Variants in EPHA5 observed in about 807,000 individuals in gnomAD.
EPHA5 encodes the protein ephrin type-A receptor 5.
A neutral mutation model predicts 105.0 loss-of-function variants in EPHA5; 60 were observed. That is an observed-to-expected ratio of 0.57 (90% CI 0.46 to 0.71). The LOEUF (loss-of-function observed/expected upper bound fraction) is 0.71. Among genes scored for constraint, EPHA5 ranks in the 30% least tolerant of loss-of-function variants. The pLI is 0.00. For missense variants in EPHA5, 1,218 were observed against 1,274.7 expected, an observed-to-expected ratio of 0.96 and a Z score of 0.68; for synonymous variants, 513 against 449.1, an observed-to-expected ratio of 1.14 and a Z score of -1.80.
At chr4:65,361,904 T>C (rs1048620403) in intron 11 of EPHA5, among the ~76,000 whole-genome samples, 16 of 151,702 alleles carry the variant, frequency 1.1e-4, no homozygotes, top group South Asian at 6.2e-4. Flanking sequence ...TGATGGTAGA[T>C]GAAATCTTCA....
chr4:65,423,088 C>T (rs1724088534), intron 5 of EPHA5, among the ~76,000 whole-genome samples: 1 of 151,906 alleles, frequency 6.6e-6, no homozygotes, highest in Non-Finnish European at 1.5e-5. Flanking sequence ...TCAAAGTTTC[C>T]TTGATTTGAT....
intron 1 of EPHA5, among the ~76,000 whole-genome samples, chr4:65,653,239 AAAC>A (rs1748766230): frequency 6.6e-6 from 1 of 152,110 alleles, no homozygotes; most frequent in South Asian, 2.1e-4. Flanking sequence ...AAAAATAAAC[AAAC>A]AACTTGATGA....
At chr4:65,589,419 T>G (rs1277000998) in intron 3 of EPHA5, among the ~76,000 whole-genome samples, 1 of 152,158 alleles carries the variant, frequency 6.6e-6, no homozygotes, top group East Asian at 1.9e-4. Context: ...CTATTATTAC[T>G]GTTAAAGTTC....
chr4:65,624,766 C>A (rs1404254342), intron 2 of EPHA5, among the ~76,000 whole-genome samples: 3 of 152,126 alleles, frequency 2.0e-5, no homozygotes, highest in Non-Finnish European at 4.4e-5. Flanking sequence ...GACCCAGGAA[C>A]CAAACTGTTA....
chr4:65,372,086 C>T (rs1432031139), intron 8 of EPHA5, among the ~76,000 whole-genome samples: 1 of 151,932 alleles, frequency 6.6e-6, no homozygotes, highest in Non-Finnish European at 1.5e-5. Context: ...CACATTTCTT[C>T]ACATATGCAC....
intron 8 of EPHA5, among the ~76,000 whole-genome samples, chr4:65,402,084 T>C (rs1283138941): frequency 6.6e-6 from 1 of 152,114 alleles, no homozygotes; most frequent in East Asian, 1.9e-4. Context: ...CTCATGATAG[T>C]AAGATTGTTC....
chr4:65,425,247 A>G (rs1038659385), intron 5 of EPHA5, among the ~76,000 whole-genome samples: 1 of 152,128 alleles, frequency 6.6e-6, no homozygotes, highest in Non-Finnish European at 1.5e-5. Flanking sequence ...GTTCATTTAA[A>G]CACAAGGTTT....
chr4:65,436,169 A>G (rs891029696), intron 5 of EPHA5, among the ~76,000 whole-genome samples: 2 of 152,024 alleles, frequency 1.3e-5, no homozygotes, highest in African/African-American at 4.8e-5. Context: ...CAGTTTGGAC[A>G]TATTCATCTT....
intron 2 of EPHA5, among the ~76,000 whole-genome samples, chr4:65,619,097 G>A (rs1745490159): frequency 6.6e-6 from 1 of 152,250 alleles, no homozygotes; most frequent in South Asian, 2.1e-4. Context: ...GCAGTGAGCA[G>A]AGATCGCGGC....
chr4:65,342,547 C>T (rs1721830333), intron 14 of EPHA5, among the ~76,000 whole-genome samples: 2 of 151,236 alleles, frequency 1.3e-5, no homozygotes, highest in Non-Finnish European at 2.9e-5. Context: ...AATATGTATA[C>T]ATATGTATAT....
chr4:65,633,947 C>T (rs1485742422), intron 2 of EPHA5, among the ~76,000 whole-genome samples: 1 of 152,058 alleles, frequency 6.6e-6, no homozygotes, highest in African/African-American at 2.4e-5. Context: ...CACACCTGTA[C>T]ACGTTGTAAT....
chr4:65,564,338 G>A (rs1296017592), intron 3 of EPHA5, among the ~76,000 whole-genome samples: 3 of 151,830 alleles, frequency 2.0e-5, no homozygotes, highest in Non-Finnish European at 2.9e-5. Context: ...TCCTATTAAA[G>A]TTTAGGTAAT....
At chr4:65,539,933 T>A (rs1422600776) in intron 3 of EPHA5, among the ~76,000 whole-genome samples, 1 of 151,520 alleles carries the variant, frequency 6.6e-6, no homozygotes, top group Non-Finnish European at 1.5e-5. Flanking sequence ...GTTATCACTA[T>A]ATTATTTCCC....
chr4:65,536,915 G>A (rs998928054), intron 3 of EPHA5, among the ~76,000 whole-genome samples: 2 of 151,726 alleles, frequency 1.3e-5, no homozygotes, highest in Non-Finnish European at 3.0e-5. Context: ...TTGATTTGTA[G>A]AATTTGTGTG....
At chr4:65,536,455 TA>T (rs1219578092) in intron 3 of EPHA5, among the ~76,000 whole-genome samples, 23 of 152,052 alleles carry the variant, frequency 1.5e-4, no homozygotes, top group African/African-American at 4.1e-4. Flanking sequence ...AAACCATATA[TA>T]TTTTTTTATT....
chr4:65,365,315 AAAC>A, intron 10 of EPHA5, 113 bp from the exon 11 acceptor site: 1 of 818,378 alleles, frequency 1.2e-6, no homozygotes, highest in Non-Finnish European at 1.9e-6. Context: ...ACAAACAAAC[AAAC>A]AAACAAACAA....
intron 5 of EPHA5, among the ~76,000 whole-genome samples, chr4:65,479,725 A>G (rs957835344): frequency 6.6e-6 from 1 of 152,188 alleles, no homozygotes; most frequent in African/African-American, 2.4e-5. Context: ...GAACATGGAT[A>G]TATGATGCAC....
chr4:65,536,305 A>T (rs1021266996), intron 3 of EPHA5, among the ~76,000 whole-genome samples: 1 of 151,998 alleles, frequency 6.6e-6, no homozygotes, highest in Non-Finnish European at 1.5e-5. Flanking sequence ...TTCAAGTATG[A>T]CAGGCATCAA....
chr4:65,633,008 A>G (rs1284616735), intron 2 of EPHA5, among the ~76,000 whole-genome samples: 1 of 152,060 alleles, frequency 6.6e-6, no homozygotes, highest in South Asian at 2.1e-4. Context: ...GTATTGGGGG[A>G]TATAGGATCA....
Sources: allele counts gnomAD v4.1 joint callset (sites outside exome capture counted in the v4.1 genomes callset), GRCh38; gene constraint gnomAD v4.1.1; transcripts MANE v1.5; gene names NCBI Gene and HGNC (gene_info 2026-07-23, HGNC 2026-07-21).